Variants in LMOD3 observed in about 807,000 individuals in gnomAD.
LMOD3 encodes the protein leiomodin 3.
Under a neutral mutation model 41.8 loss-of-function variants are expected in LMOD3, and 31 were observed. That is an observed-to-expected ratio of 0.74 (90% CI 0.56 to 1.00). The LOEUF is 1.00. LMOD3 is among the 50% of genes least tolerant of loss of function. LMOD3 has a pLI of 0.00. For missense variants in LMOD3, 755 were observed against 679.5 expected (o/e 1.11, Z -1.23); for synonymous variants, 292 against 241.9 (o/e 1.21, Z -1.92).
chr3:69,115,882 G>A (rs2092370160), intron 2 of LMOD3, among the ~76,000 whole-genome samples: 1 of 152,136 alleles, frequency 6.6e-6, no homozygotes, highest in South Asian at 2.1e-4. Context: ...GTTGGCTGGA[G>A]ACCCAAGTGT....
chr3:69,121,261 A>G (rs115488783), intron 1 of LMOD3, among the ~76,000 whole-genome samples: 115 of 152,282 alleles, frequency 7.6e-4, no homozygotes, highest in Non-Finnish European at 1.2e-3. Flanking sequence ...TCTTTTCTTA[A>G]TCTTAGCACA....
chr3:69,117,699 C>G (rs1224831024), intron 2 of LMOD3, among the ~76,000 whole-genome samples: 5 of 152,250 alleles, frequency 3.3e-5, no homozygotes, highest in Non-Finnish European at 5.9e-5. Context: ...ACCTGAAGTT[C>G]AACATTTATC....
In LMOD3 at chr3:69,107,952, G is replaced by A. The variant is rs2092330802; in HGVS notation, c.*1143C>T. The A allele has an allele frequency of 6.6e-6, 1 of 152,218 alleles. No homozygotes were observed. The highest frequency in any genetic ancestry group is 2.4e-5 in the African/African-American group (1 of 41,446). 9.4% of individuals were successfully genotyped at this position (152,218 alleles called of 1,614,324 possible). A position where few individuals can be genotyped will look rare whatever the true frequency, so the allele number is the denominator to read the frequency against. ...GGAGGACACAGGATCTGACCCGGGA[G>A]TTGAAGACTGGGTAGGACGTTCATT... On this transcript the variant is annotated 3_prime_UTR_variant, in exon 3 of 3. Transcript: ENST00000420581.
chr3:69,112,864 T>C (rs2092355845), intron 2 of LMOD3, among the ~76,000 whole-genome samples: 1 of 152,222 alleles, frequency 6.6e-6, no homozygotes, highest in South Asian at 2.1e-4. Flanking sequence ...TGATCCACAA[T>C]AACATTTGAG....
In LMOD3 at chr3:69,119,195, G is replaced by A. The variant is rs758062503; in HGVS notation, c.1160C>T (p.Thr387Ile). Reference sequence around the variant, plus strand: ...ATCCTGATTCCTGGTGAGCAGATTAGTGACCACCATTCTGGGACCCGGAAG... The same window carrying A: ...ATCCTGATTCCTGGTGAGCAGATTAATGACCACCATTCTGGGACCCGGAAG... ...FELPGPRMVV[T>I]NLLTRNQDKQ... Residue 387 changes from threonine to isoleucine, a missense_variant, in exon 2 of 3, where the codon ACT (threonine) becomes ATT (isoleucine). Thr to Ile is a moderately conservative substitution (Grantham distance 89, BLOSUM62 -1). Coordinates refer to ENST00000420581, the MANE Select transcript of LMOD3 (RefSeq NM_198271.5). 1.2e-6 allele frequency: 2 copies of A among 1,613,856 alleles called. No homozygotes were observed. Among genetic ancestry groups the A allele is most frequent in the South Asian group, 1.1e-5 (1 of 91,062 alleles).
Position 69,118,818 on chromosome 3 carries a change from C to A in LMOD3, c.1537G>T (p.Asp513Tyr), listed in dbSNP as rs1360946081. The change falls in exon 2 of 3, where the codon GAT (aspartate) becomes TAT (tyrosine). Residue 513 changes from aspartate to tyrosine, a missense_variant. Coordinates refer to ENST00000420581, the MANE Select transcript of LMOD3 (RefSeq NM_198271.5). ...REPPEKTNLKDVIKTLKPVPR... is the reference protein window; with the variant it reads ...REPPEKTNLKYVIKTLKPVPR... ...ACTGGCTTGAGCGTTTTGATGACAT[C>A]TTTGAGGTTGGTTTTCTCGGGTGGT... is the stretch of plus-strand genomic sequence containing the variant. 1 of 1,610,468 alleles carries A rather than the reference C, an allele frequency of 6.2e-7. No homozygotes were observed. Among genetic ancestry groups the A allele is most frequent in the African/African-American group, 1.4e-5 (1 of 73,690 alleles).
At chr3:69,109,332 C>G (rs970784371) in intron 2 of LMOD3, among the ~76,000 whole-genome samples, 1 of 151,460 alleles carries the variant, frequency 6.6e-6, no homozygotes, top group South Asian at 2.1e-4. Context: ...GTTCCAAGAG[C>G]TTTGAGCACA....
intron 2 of LMOD3, among the ~76,000 whole-genome samples, chr3:69,115,247 T>A (rs566918842): frequency 1.8e-3 from 269 of 152,196 alleles, no homozygotes; most frequent in African/African-American, 6.3e-3. Flanking sequence ...TTTGGGAGGC[T>A]GAAGCGGAAG....
chr3:69,118,731 T>C lies in LMOD3; in HGVS notation c.1624A>G (p.Ile542Val), dbSNP rs1248233164. The C allele has an allele frequency of 6.2e-6, 10 of 1,612,860 alleles. No homozygotes were observed. The highest frequency in any genetic ancestry group is 1.1e-5 in the South Asian group (1 of 90,960). The change falls in exon 2 of 3, where the codon ATT (isoleucine) becomes GTT (valine). Residue 542 changes from isoleucine (I) to valine (V), a missense_variant. Ile to Val is a conservative substitution (Grantham distance 29). Coordinates refer to ENST00000420581, the MANE Select transcript of LMOD3 (RefSeq NM_198271.5). The stretch of plus-strand genomic sequence containing the variant: ...AGATAGGCGACACTGCTGTGACGAA[T>C]GTCGTTTAGCAGCTGATCTCTGGGA... ...ITPRDQLLND[I>V]RHSSVAYLKP... is the part of the protein sequence containing the mutation.
Position 69,122,309 on chromosome 3 carries a change from G to T in LMOD3, c.78C>A (p.Asn26Lys). 1 of 1,613,292 alleles carries T rather than the reference G, an allele frequency of 6.2e-7. No homozygotes were observed. Among genetic ancestry groups the T allele is most frequent in the Non-Finnish European group, 8.5e-7 (1 of 1,179,572 alleles). Residue 26 changes from asparagine to lysine, a missense_variant, in exon 1 of 3, where the codon AAC becomes AAA. Coordinates refer to ENST00000420581, the MANE Select transcript of LMOD3 (RefSeq NM_198271.5). The stretch of plus-strand genomic sequence containing the variant: ...GTTCTTTCAGTTCTTCAGCAGACAA[G>T]TTGGCCAAGATTTCATCTTCATTAA... ...EEINEDEILANLSAEELKELQ... is the reference protein window; with the variant it reads ...EEINEDEILAKLSAEELKELQ...
At chr3:69,113,141 A>G (rs902494504) in intron 2 of LMOD3, among the ~76,000 whole-genome samples, 1 of 152,178 alleles carries the variant, frequency 6.6e-6, no homozygotes, top group Non-Finnish European at 1.5e-5. Context: ...GGTCGAAGGA[A>G]GAAAAAGAAG....
Position 69,109,101 on chromosome 3 carries a change from C to T in LMOD3, c.1677G>A (p.Leu559=). 6.2e-7 allele frequency: 1 copy of T among 1,601,770 alleles called. No individual in the cohort carries two copies. Among genetic ancestry groups the T allele is most frequent in the African/African-American group, 1.3e-5 (1 of 74,894 alleles). ...TAGATGGCTCTGTTGCCTCTTACGC[C>T]AGTTCTTTTGGCAGTTGCACCTGCG... ...YLKPVQLPKE[L]A is the part of the protein sequence containing the mutation. Residue 559 remains leucine (L), a synonymous_variant, in exon 3 of 3, where the codon CTG becomes CTA. Coordinates refer to ENST00000420581, the MANE Select transcript of LMOD3 (RefSeq NM_198271.5).
intron 2 of LMOD3, among the ~76,000 whole-genome samples, chr3:69,114,512 A>C (rs1439695273): frequency 1.3e-5 from 2 of 152,102 alleles, no homozygotes; most frequent in African/African-American, 4.8e-5. Context: ...AATAAGCATT[A>C]ATTTAAAATT....
At chr3:69,109,814 C>G (rs931840194) in intron 2 of LMOD3, among the ~76,000 whole-genome samples, 2 of 152,048 alleles carry the variant, frequency 1.3e-5, no homozygotes, top group African/African-American at 4.8e-5. Flanking sequence ...CAGGCATGAG[C>G]ACCCGGCCTA....
chr3:69,110,853 A>AAAAAAAAAAAATATATATATATAT (rs1458630453), intron 2 of LMOD3, among the ~76,000 whole-genome samples: 1 of 104,166 alleles, frequency 9.6e-6, no homozygotes, highest in African/African-American at 4.8e-5. Flanking sequence ...AAAAAAAAAA[A>AAAAAAAAAAAATATATATATATAT]ATATATATAT....
In LMOD3 at chr3:69,107,999, C is replaced by T. The variant is rs2092330867; in HGVS notation, c.*1096G>A. 6.6e-6 allele frequency: 1 copy of T among 152,046 alleles called. No individual in the cohort carries two copies. The highest frequency in any genetic ancestry group is 6.6e-5 in the Admixed American group (1 of 15,254). The allele number at this position is 152,046 out of a possible 1,614,324, so 9.4% of individuals were successfully genotyped here. ...CATTAATGGAGAACAGGAGGGAAGT[C>T]TCTTGGAAGGATTAATGCGAGCAAA... On this transcript the variant is annotated 3_prime_UTR_variant, in exon 3 of 3. Transcript: ENST00000420581.
In LMOD3 at chr3:69,122,111, G is replaced by A. The variant is rs1436647116; in HGVS notation, c.276C>T (p.Val92=). 2.5e-6 allele frequency: 4 copies of A among 1,611,802 alleles called. No individual in the cohort carries two copies. Among genetic ancestry groups the A allele is most frequent in the Middle Eastern group, 1.7e-4 (1 of 6,058 alleles). Residue 92 remains valine (V), a synonymous_variant, in exon 1 of 3, where the codon GTC becomes GTT. Transcript: ENST00000420581. ...TGGTTACCTCGGATTTCACAAAGGT[G>A]ACAGGAACTCGTTCCTCTTCCAGCA... ...RRMLEEERVP[V]TFVKSEEKTQ... is the part of the protein sequence containing the mutation.
chr3:69,110,943 A>G (rs562177092), intron 2 of LMOD3, among the ~76,000 whole-genome samples: 1 of 150,306 alleles, frequency 6.7e-6, no homozygotes, highest in East Asian at 2.0e-4. Context: ...CTGCAAACCC[A>G]CTTCATACTT....
intron 2 of LMOD3, among the ~76,000 whole-genome samples, chr3:69,116,895 C>T (rs576497430): frequency 7.2e-5 from 11 of 152,252 alleles, no homozygotes; most frequent in Non-Finnish European, 1.2e-4. Context: ...ATTCCCTCTT[C>T]TACTCCGAAC....
Sources: allele counts gnomAD v4.1 joint callset (sites outside exome capture counted in the v4.1 genomes callset), GRCh38; gene constraint gnomAD v4.1.1; transcripts MANE v1.5; gene names NCBI Gene and HGNC (gene_info 2026-07-23, HGNC 2026-07-21).